The following ARHGAP32 variants were observed in gnomAD, a reference collection of about 807,000 sequenced individuals.
The protein encoded by ARHGAP32 is Rho GTPase activating protein 32, also known as rho GTPase-activating protein 32.
In ARHGAP32, 51 loss-of-function variants were observed where a neutral mutation model predicts 186.5. That is an observed-to-expected ratio of 0.27 (90% confidence interval 0.22 to 0.35). The LOEUF is 0.35. Among genes scored for constraint, ARHGAP32 ranks in the 10% least tolerant of loss-of-function variants. ARHGAP32 has a pLI of 1.00. For synonymous variants in ARHGAP32, 950 were observed against 964.3 expected (o/e 0.99, Z 0.27); for missense variants, 2,186 against 2,623.5 (o/e 0.83, Z 3.64).
At chr11:129,165,834 T>C (rs1943627512) in intron 1 of ARHGAP32, among the ~76,000 whole-genome samples, 1 of 151,894 alleles carries the variant, frequency 6.6e-6, no homozygotes, top group Non-Finnish European at 1.5e-5. Context: ...GGCAACCAAC[T>C]AGTTTAAACA....
At chr11:129,267,500 T>C (rs1029230244) in intron 1 of ARHGAP32, among the ~76,000 whole-genome samples, 16 of 151,994 alleles carry the variant, frequency 1.1e-4, no homozygotes, top group Admixed American at 4.6e-4. Flanking sequence ...GACTGATAAT[T>C]TGTATAGACA....
chr11:129,006,728 T>C (rs989493719), intron 11 of ARHGAP32, among the ~76,000 whole-genome samples: 6 of 152,292 alleles, frequency 3.9e-5, no homozygotes, highest in Admixed American at 2.0e-4. Flanking sequence ...AACTGCTACC[T>C]GGCTACTGCC....
chr11:129,111,579 T>C (rs1184984040), intron 5 of ARHGAP32, among the ~76,000 whole-genome samples: 1 of 152,200 alleles, frequency 6.6e-6, no homozygotes, highest in Non-Finnish European at 1.5e-5. Flanking sequence ...TCATTACTCC[T>C]TATTGGTATG....
chr11:129,100,463 C>A (rs1941861379), intron 5 of ARHGAP32, among the ~76,000 whole-genome samples: 2 of 152,144 alleles, frequency 1.3e-5, no homozygotes, highest in South Asian at 4.1e-4. Context: ...ATGCATCAGC[C>A]CAGACTCCCT....
rs1174984686 is a variant in ARHGAP32 at position 129,171,898 on chromosome 11, C to T, written c.117-7471G>A. On this transcript the variant is annotated intron_variant, in intron 1 of 22. Coordinates refer to ENST00000682385, the MANE Select transcript of ARHGAP32 (RefSeq NM_001378024.1). ...AGAGGCCCTTCACATCCCCTGTTAA[C>T]AGTATTCCTAGGTATTTTATTCTCT... 2.0e-5 allele frequency among the ~76,000 whole-genome samples: 3 copies of T among 151,062 alleles called. No individual in the cohort carries two copies. The East Asian group carries it at 5.9e-4, about 30-fold the overall frequency.
intron 2 of ARHGAP32, among the ~76,000 whole-genome samples, chr11:129,150,771 G>A (rs907527382): frequency 6.6e-6 from 1 of 151,970 alleles, no homozygotes; most frequent in African/African-American, 2.4e-5. Flanking sequence ...CCTCCTTAAA[G>A]CATAAATTTC....
chr11:128,968,762 ATGC>A lies in ARHGAP32; in HGVS notation c.*142_*144del, dbSNP rs762325546. The A allele has an allele frequency of 1.1e-4, 67 of 619,392 alleles. No individual in the cohort carries two copies. Among genetic ancestry groups the A allele is most frequent in the Non-Finnish European group, 1.6e-4 (65 of 416,118 alleles). 38.4% of individuals were successfully genotyped at this position (619,392 alleles called of 1,614,324 possible). On this transcript the variant is annotated 3_prime_UTR_variant, in exon 23 of 23. Coordinates refer to ENST00000682385, the MANE Select transcript of ARHGAP32 (RefSeq NM_001378024.1). ...TAATGAAGCAGGGAAGGGGAAAAAG[ATGC>A]TGATTTGTTTACTTTTATTATCATT... is the stretch of plus-strand genomic sequence containing the variant.
chr11:129,102,029 A>G (rs1291666128), intron 5 of ARHGAP32, among the ~76,000 whole-genome samples: 1 of 152,232 alleles, frequency 6.6e-6, no homozygotes, highest in Admixed American at 6.5e-5. Context: ...CCTACAAACC[A>G]GAAGATATTG....
chr11:128,997,911 T>C (rs57085245), intron 12 of ARHGAP32, among the ~76,000 whole-genome samples: 11 of 151,850 alleles, frequency 7.2e-5, no homozygotes, highest in African/African-American at 2.7e-4. Flanking sequence ...ACAAAAAAAA[T>C]TGGAAGATTG....
chr11:128,983,593 T>C (rs1483267944), intron 15 of ARHGAP32, among the ~76,000 whole-genome samples: 1 of 151,734 alleles, frequency 6.6e-6, no homozygotes, highest in African/African-American at 2.4e-5. Flanking sequence ...TGTATACATA[T>C]GTAACAAACC....
chr11:129,030,990 T>A (rs543409455), intron 11 of ARHGAP32, among the ~76,000 whole-genome samples: 3 of 152,312 alleles, frequency 2.0e-5, no homozygotes, highest in East Asian at 1.9e-4. Context: ...CATAAGTAAA[T>A]GCTCCCTGAG....
intron 6 of ARHGAP32, among the ~76,000 whole-genome samples, chr11:129,071,052 TTTTGAGAGCTGTAACCTACTTAGGCC>T (rs1940851843): frequency 6.6e-6 from 1 of 152,070 alleles, no homozygotes; most frequent in African/African-American, 2.4e-5. Context: ...ACTATTAGCC[TTTTGAGAGCTGTAACCTACTTAGGCC>T]TTTGAGAGCT....
chr11:129,109,559 C>G (rs1942147177), intron 5 of ARHGAP32, among the ~76,000 whole-genome samples: 1 of 151,956 alleles, frequency 6.6e-6, no homozygotes, highest in Non-Finnish European at 1.5e-5. Flanking sequence ...TAAGAGGTCC[C>G]TTTTCTCTGC....
At chr11:129,272,934 T>G (rs926177551) in intron 1 of ARHGAP32, among the ~76,000 whole-genome samples, 4 of 152,192 alleles carry the variant, frequency 2.6e-5, no homozygotes, top group African/African-American at 9.6e-5. Flanking sequence ...AGAATGTGTG[T>G]AAAAATCTGG....
intron 11 of ARHGAP32, among the ~76,000 whole-genome samples, chr11:129,032,063 C>T (rs542997874): frequency 1.3e-5 from 2 of 152,314 alleles, no homozygotes; most frequent in South Asian, 4.1e-4. Flanking sequence ...TCCACATTCA[C>T]CACCCTTCAA....
intron 6 of ARHGAP32, among the ~76,000 whole-genome samples, chr11:129,088,997 A>AGG (rs1941496016): frequency 1.1e-4 from 4 of 34,838 alleles, no homozygotes; most frequent in Admixed American, 7.9e-4. Context: ...GACCTTGTCA[A>AGG]AAAAAAAAAA....
At chr11:129,017,388 A>G (rs567728548) in intron 11 of ARHGAP32, among the ~76,000 whole-genome samples, 1 of 150,774 alleles carries the variant, frequency 6.6e-6, no homozygotes, top group Admixed American at 6.6e-5. Context: ...CGGAGGCTGC[A>G]GTGAGCTGAG....
At chr11:129,100,448 T>C (rs796088103) in intron 5 of ARHGAP32, among the ~76,000 whole-genome samples, 9 of 152,262 alleles carry the variant, frequency 5.9e-5, no homozygotes, top group African/African-American at 2.2e-4. Flanking sequence ...GTGGCATCTA[T>C]GACCATGCAT....
At chr11:129,114,572 T>C (rs1050415576) in intron 5 of ARHGAP32, among the ~76,000 whole-genome samples, 7 of 152,158 alleles carry the variant, frequency 4.6e-5, no homozygotes, top group Admixed American at 3.3e-4. Context: ...TGAATATTAA[T>C]GTATTTTATG....
Sources: allele counts gnomAD v4.1 joint callset (sites outside exome capture counted in the v4.1 genomes callset), GRCh38; gene constraint gnomAD v4.1.1; transcripts MANE v1.5; gene names NCBI Gene and HGNC (gene_info 2026-07-23, HGNC 2026-07-21).